MS4A10: variants seen among roughly 807,000 people sequenced by gnomAD.
MS4A10 encodes the protein membrane spanning 4-domains A10, also known as membrane-spanning 4-domains subfamily A member 10.
MS4A10 carries 27 observed loss-of-function variants against 27.7 expected under a neutral mutation model. The ratio of observed to expected loss-of-function variants is 0.98; its 90% CI spans 0.72 to 1.35. MS4A10 has a LOEUF of 1.35. Among genes scored for constraint, MS4A10 ranks in the 40% most tolerant of loss-of-function variants. MS4A10 has a pLI of 0.00. For missense variants in MS4A10, 338 were observed against 324.7 expected (o/e 1.04, Z -0.32); for synonymous variants, 139 against 131.2 (o/e 1.06, Z -0.41).
intron 3 of MS4A10, among the ~76,000 whole-genome samples, chr11:60,791,950 G>A (rs72914942): frequency 0.013 from 1,984 of 152,320 alleles, 16 homozygotes; most frequent in Middle Eastern, 0.041. Flanking sequence ...TGATCCCAGC[G>A]ATGGTTTGGG....
At chr11:60,786,738 G>C (rs890437296) in intron 1 of MS4A10, among the ~76,000 whole-genome samples, 1 of 152,134 alleles carries the variant, frequency 6.6e-6, no homozygotes, top group African/African-American at 2.4e-5. Flanking sequence ...TCACTGGTGG[G>C]ATTCTAGACA....
intron 6 of MS4A10, among the ~76,000 whole-genome samples, chr11:60,797,522 G>A (rs1489266618): frequency 1.3e-5 from 2 of 152,062 alleles, no homozygotes; most frequent in Non-Finnish European, 2.9e-5. Context: ...TTGGCTTGTG[G>A]CTCCTTCTTC....
chr11:60,790,901 CA>C, intron 2 of MS4A10, 72 bp from the exon 3 acceptor site: 1 of 1,588,240 alleles, frequency 6.3e-7, no homozygotes, highest in Non-Finnish European at 8.6e-7. Flanking sequence ...CCAGTAGGTC[CA>C]GGGCACTAGT....
chr11:60,796,405 C>T (rs1348771403), intron 6 of MS4A10, among the ~76,000 whole-genome samples: 1 of 152,148 alleles, frequency 6.6e-6, no homozygotes, highest in East Asian at 1.9e-4. Context: ...ACCTCAGCCT[C>T]CCAAGTAGCT....
intron 5 of MS4A10, among the ~76,000 whole-genome samples, chr11:60,795,134 T>C (rs1358382038): frequency 6.6e-6 from 1 of 152,110 alleles, no homozygotes. Flanking sequence ...CCCCATCAAA[T>C]GCATGTGATA....
chr11:60,790,271 A>C, intron 1 of MS4A10, 43 bp from the exon 2 acceptor site: 1 of 1,547,236 alleles, frequency 6.5e-7, no homozygotes. Context: ...CACAAGCCTC[A>C]GAAATGAGAC....
intron 6 of MS4A10, among the ~76,000 whole-genome samples, chr11:60,797,119 G>C (rs1425079292): frequency 6.6e-6 from 1 of 152,122 alleles, no homozygotes; most frequent in East Asian, 1.9e-4. Flanking sequence ...TGCCTGACAG[G>C]AAGTCTTCTC....
intron 1 of MS4A10, among the ~76,000 whole-genome samples, chr11:60,787,901 C>A (rs1680403815): frequency 6.6e-6 from 1 of 152,044 alleles, no homozygotes; most frequent in Non-Finnish European, 1.5e-5. Context: ...CCTGTAATCC[C>A]AGTTACTCAG....
At position 60,800,516 on chromosome 11, in the gene MS4A10, G is replaced by A. The variant is rs1359713243; in HGVS notation, c.*607G>A. 1 of 152,454 alleles carries A rather than the reference G, an allele frequency of 6.6e-6. No individual in the cohort carries two copies. 9.4% of individuals were successfully genotyped at this position (152,454 alleles called of 1,614,324 possible). On this transcript the variant is annotated 3_prime_UTR_variant, in exon 8 of 8. Transcript: ENST00000308287. ...TGCCTTATAAAATCCCTGTGTGAAG[G>A]GATGCTCTCAGTATCATTTGCCCTT...
At chr11:60,794,690 G>C (rs544493284) in intron 5 of MS4A10, among the ~76,000 whole-genome samples, 1 of 151,840 alleles carries the variant, frequency 6.6e-6, no homozygotes, top group Admixed American at 6.6e-5. Context: ...TGGAAGGGGC[G>C]GGGGAACGGA....
chr11:60,786,957 C>T (rs1854350261), intron 1 of MS4A10, among the ~76,000 whole-genome samples: 1 of 152,222 alleles, frequency 6.6e-6, no homozygotes, highest in Admixed American at 6.5e-5. Context: ...CAGGACTTTG[C>T]ACGGAGCACC....
intron 7 of MS4A10, 68 bp from the exon 8 acceptor site, chr11:60,799,760 T>G (rs1042269839): frequency 6.4e-5 from 50 of 777,706 alleles, no homozygotes; most frequent in Non-Finnish European, 1.0e-4. Context: ...TTAATCTCAA[T>G]GTCATTTAAT....
Position 60,787,952 on chromosome 11 carries a change from G to A in MS4A10, c.-22-2362G>A, listed in dbSNP as rs189541171. ...GAATCACTTGAACCCGGGAGGCGGA[G>A]GTTGCGGTGAGCCAAGATTACGCCA... On this transcript the variant is annotated intron_variant, in intron 1 of 7. Coordinates refer to ENST00000308287, the MANE Select transcript of MS4A10 (RefSeq NM_206893.4). Among the ~76,000 whole-genome samples the A allele has an allele frequency of 5.2e-4, 79 of 152,220 alleles. 1 individual carries two copies. In the East Asian group the frequency reaches 0.011, roughly 22 times the overall value.
At chr11:60,785,578 A>G (rs1228378489) in intron 1 of MS4A10, among the ~76,000 whole-genome samples, 157 bp downstream of exon 1, 14 of 152,050 alleles carry the variant, frequency 9.2e-5, no homozygotes. Context: ...GTAGGGTTGG[A>G]GCGGTGTTAC....
intron 1 of MS4A10, among the ~76,000 whole-genome samples, chr11:60,788,830 C>A (rs889459233): frequency 2.0e-5 from 3 of 152,228 alleles, no homozygotes; most frequent in Non-Finnish European, 2.9e-5. Flanking sequence ...TAAGACCATG[C>A]GTGGTTCCAA....
chr11:60,792,439 T>C, intron 4 of MS4A10, 118 bp downstream of exon 4: 1 of 789,594 alleles, frequency 1.3e-6, no homozygotes, highest in Non-Finnish European at 2.2e-6. Context: ...AAGAGCAGGC[T>C]CTTGCCTTCA....
chr11:60,790,781 A>C (rs10897114), intron 2 of MS4A10, among the ~76,000 whole-genome samples, 193 bp from the exon 3 acceptor site: 1 of 152,060 alleles, frequency 6.6e-6, no homozygotes, highest in African/African-American at 2.4e-5. Flanking sequence ...GCTCCCACCC[A>C]TGGGGCCCTT....
Position 60,790,852 on chromosome 11 carries a change from C to T in MS4A10, c.184-122C>T, listed in dbSNP as rs77419788. 2.2e-3 allele frequency: 3,049 copies of T among 1,392,858 alleles called. 62 individuals carry two copies. In the East Asian group the frequency reaches 0.046, roughly 21 times the overall value. 86.3% of individuals were successfully genotyped at this position (1,392,858 alleles called of 1,614,324 possible). On this transcript the variant is annotated intron_variant, in intron 2 of 7. Transcript: ENST00000308287. Reference sequence around the variant, plus strand: ...AGTGGTCCTTCTTAGAGAGCCTGGTCTCTGGGATCCCTAAGAGGACAGAAG... The same window carrying T: ...AGTGGTCCTTCTTAGAGAGCCTGGTTTCTGGGATCCCTAAGAGGACAGAAG...
Position 60,800,098 on chromosome 11 carries a change from T to C in MS4A10, c.*189T>C. On this transcript the variant is annotated 3_prime_UTR_variant, in exon 8 of 8. Transcript: ENST00000308287. ...GATAAGCCATTTCTTACATAGTTGA[T>C]GGCTCGATATCTGTGGTGGCCCAGA... The C allele has an allele frequency of 1.3e-6, 1 of 759,412 alleles. No individual in the cohort carries two copies. Among genetic ancestry groups the C allele is most frequent in the Non-Finnish European group, 2.1e-6 (1 of 471,918 alleles). 47.0% of individuals were successfully genotyped at this position (759,412 alleles called of 1,614,324 possible). A position where few individuals can be genotyped will look rare whatever the true frequency, so the allele number is the denominator to read the frequency against.
Sources: gnomAD v4.1 joint callset for allele counts (sites outside exome capture counted in the v4.1 genomes callset) on GRCh38, gnomAD v4.1.1 for gene constraint, MANE v1.5 for transcripts, NCBI Gene and HGNC (gene_info 2026-07-23, HGNC 2026-07-21) for gene names.